Variants in DPY19L2 observed in about 807,000 individuals in gnomAD.
DPY19L2 encodes probable C-mannosyltransferase DPY19L2.
A neutral mutation model predicts 97.9 loss-of-function variants in DPY19L2; 34 were observed. That is an observed-to-expected ratio of 0.35 (90% CI 0.26 to 0.46). DPY19L2 has a LOEUF of 0.46. Among genes scored for constraint, DPY19L2 ranks in the 20% least tolerant of loss-of-function variants. The pLI is 1.00. For missense variants in DPY19L2, 623 were observed against 911.4 expected (o/e 0.68, Z 4.07); for synonymous variants, 230 against 307.9 (o/e 0.75, Z 2.65).
In DPY19L2 at chr12:63,615,104, C is replaced by T. The variant is rs141678937; in HGVS notation, c.1218+2200G>A. On this transcript the variant is annotated intron_variant, in intron 11 of 21. Coordinates refer to ENST00000324472, the MANE Select transcript of DPY19L2 (RefSeq NM_173812.5). Reference sequence around the variant, plus strand: ...GAGGCTCCCCTGGTCAACAAAGAAACAATCTGAGAATGAGTAAAGATGTTA... The same window carrying T: ...GAGGCTCCCCTGGTCAACAAAGAAATAATCTGAGAATGAGTAAAGATGTTA... Among the ~76,000 whole-genome samples the T allele has an allele frequency of 1.2e-4, 19 of 152,128 alleles. No individual in the cohort carries two copies. In the East Asian group the frequency reaches 3.7e-3, roughly 29 times the overall value.
At position 63,663,828 on chromosome 12, in the gene DPY19L2, AG is replaced by A; in HGVS notation, c.379del (p.Leu127PhefsTer18). 1 of 1,604,966 alleles carries A rather than the reference AG, an allele frequency of 6.2e-7. No individual in the cohort carries two copies. Among genetic ancestry groups the A allele is most frequent in the South Asian group, 1.1e-5 (1 of 88,224 alleles). On this transcript the variant is annotated frameshift_variant, in exon 3 of 22. Transcript: ENST00000324472. LOFTEE classifies it high-confidence loss of function. The part of the protein sequence containing the change: ...AILHWLHLVT[L>X]FENDRHFSHL... ...AGAGAAATGACGATCATTTTCAAAA[AG>A]TGTTACTAAATGTAACCTAGAAAAA...
chr12:63,651,947 C>CATTTTTTA, intron 4 of DPY19L2: 1 of 365,430 alleles, frequency 2.7e-6, no homozygotes. Context: ...ACTGAGGACC[C>CATTTTTTA]CTTGGGCCTG....
chr12:63,624,780 T>A (rs1889255026), intron 7 of DPY19L2, among the ~76,000 whole-genome samples: 1 of 152,100 alleles, frequency 6.6e-6, no homozygotes, highest in Admixed American at 6.5e-5. Flanking sequence ...ATTGGAAAAA[T>A]TTTCCATCAA....
intron 21 of DPY19L2, among the ~76,000 whole-genome samples, chr12:63,566,303 A>G (rs1371647183): frequency 6.6e-6 from 1 of 152,130 alleles, no homozygotes; most frequent in Non-Finnish European, 1.5e-5. Context: ...GCTCTTGTAC[A>G]GTCTTTAGAC....
intron 4 of DPY19L2, among the ~76,000 whole-genome samples, chr12:63,648,118 T>G (rs1168824771): frequency 6.6e-6 from 1 of 152,092 alleles, no homozygotes; most frequent in South Asian, 2.1e-4. Context: ...ACAGTGTTCC[T>G]CTCCTTCAGA....
At chr12:63,654,657 G>A (rs146312512) in intron 4 of DPY19L2, among the ~76,000 whole-genome samples, 1 of 152,054 alleles carries the variant, frequency 6.6e-6, no homozygotes, top group African/African-American at 2.4e-5. Context: ...CATACACACA[G>A]TAATGAAAAG....
At chr12:63,564,354 A>G (rs931634555) in intron 21 of DPY19L2, among the ~76,000 whole-genome samples, 19 of 151,818 alleles carry the variant, frequency 1.3e-4, no homozygotes, top group Middle Eastern at 3.2e-3. Flanking sequence ...TTCTTTTTCT[A>G]TTATGGGCAT....
chr12:63,644,003 TG>T (rs111619646), intron 6 of DPY19L2, among the ~76,000 whole-genome samples: 1 of 152,282 alleles, frequency 6.6e-6, no homozygotes, highest in African/African-American at 2.4e-5. Context: ...TGCTAGCAGA[TG>T]TAAGTGCCTG....
Position 63,588,917 on chromosome 12 carries a change from C to T in DPY19L2, c.1581-5081G>A, listed in dbSNP as rs539179486. Reference sequence around the variant, plus strand: ...TACAGGCGCCCACCACGATGCCCAGCTAATTTTTTGTATTTTTAGTAGAGA... The same window carrying T: ...TACAGGCGCCCACCACGATGCCCAGTTAATTTTTTGTATTTTTAGTAGAGA... On this transcript the variant is annotated intron_variant, in intron 16 of 21. Transcript: ENST00000324472. 5.5e-3 allele frequency among the ~76,000 whole-genome samples: 830 copies of T among 151,990 alleles called. 5 individuals are homozygous for T. The highest frequency in any genetic ancestry group is 0.02 in the Middle Eastern group (6 of 294).
chr12:63,594,876 T>C (rs1883945505), intron 15 of DPY19L2, among the ~76,000 whole-genome samples: 1 of 152,162 alleles, frequency 6.6e-6, no homozygotes, highest in Admixed American at 6.5e-5. Context: ...GAAGAATAAT[T>C]TGACATTTTG....
At chr12:63,667,697 T>C (rs1896489756) in intron 1 of DPY19L2, among the ~76,000 whole-genome samples, 2 of 152,128 alleles carry the variant, frequency 1.3e-5, no homozygotes, top group Non-Finnish European at 2.9e-5. Context: ...ACAGTTAGCT[T>C]CTCAAATTTG....
intron 4 of DPY19L2, among the ~76,000 whole-genome samples, chr12:63,653,261 C>G (rs1013320718): frequency 6.6e-6 from 1 of 151,958 alleles, no homozygotes; most frequent in Non-Finnish European, 1.5e-5. Flanking sequence ...AAAAAGAATT[C>G]AAGGAAATAA....
chr12:63,588,503 C>T (rs1237270444), intron 16 of DPY19L2, among the ~76,000 whole-genome samples: 2 of 151,818 alleles, frequency 1.3e-5, no homozygotes, highest in South Asian at 2.1e-4. Flanking sequence ...ATTAAAAAAT[C>T]GTTAAGAGGG....
chr12:63,589,539 G>A (rs1324280338), intron 16 of DPY19L2, among the ~76,000 whole-genome samples: 2 of 152,062 alleles, frequency 1.3e-5, no homozygotes, highest in African/African-American at 2.4e-5. Flanking sequence ...CCTCATTAGA[G>A]GGGGAAAGGT....
intron 7 of DPY19L2, 86 bp from the exon 8 acceptor site, chr12:63,624,217 T>A: frequency 1.0e-6 from 1 of 958,952 alleles, no homozygotes; most frequent in Non-Finnish European, 1.6e-6. Context: ...TTTAGTAATT[T>A]TAATACTAGG....
intron 6 of DPY19L2, among the ~76,000 whole-genome samples, chr12:63,627,856 T>A (rs940873980): frequency 1.3e-5 from 2 of 152,074 alleles, no homozygotes; most frequent in African/African-American, 4.8e-5. Context: ...AGCTTCACAC[T>A]TGGAAGATTA....
At chr12:63,633,876 T>C (rs1330611618) in intron 6 of DPY19L2, among the ~76,000 whole-genome samples, 2 of 152,156 alleles carry the variant, frequency 1.3e-5, no homozygotes, top group African/African-American at 4.8e-5. Context: ...TGGAATACTA[T>C]GCAGCCATAA....
At chr12:63,665,200 T>G (rs11834132) in intron 2 of DPY19L2, among the ~76,000 whole-genome samples, 25,139 of 151,668 alleles carry the variant, frequency 0.17, 2,216 homozygotes, top group East Asian at 0.27. Flanking sequence ...GGCTGAGTGT[T>G]GTGGTTCATG....
intron 9 of DPY19L2, among the ~76,000 whole-genome samples, chr12:63,618,484 C>A (rs1386076029): frequency 6.6e-6 from 1 of 152,126 alleles, no homozygotes; most frequent in Non-Finnish European, 1.5e-5. Flanking sequence ...GGATGGCAAT[C>A]TATACCGATG....
Sources: allele counts gnomAD v4.1 joint callset (sites outside exome capture counted in the v4.1 genomes callset), GRCh38; gene constraint gnomAD v4.1.1; transcripts MANE v1.5; gene names NCBI Gene and HGNC (gene_info 2026-07-23, HGNC 2026-07-21).